The following BMPR1A variants were observed in gnomAD, a reference collection of about 807,000 sequenced individuals.
BMPR1A encodes the protein bone morphogenetic protein receptor type-1A.
A neutral mutation model predicts 66.0 loss-of-function variants in BMPR1A; 7 were observed. The observed-to-expected ratio is 0.11, with a 90% CI of 0.06 to 0.20. The LOEUF (loss-of-function observed/expected upper bound fraction) is 0.20. Ranked by LOEUF, BMPR1A falls within the 10% of genes least tolerant of loss-of-function variation. BMPR1A has a pLI of 1.00. For synonymous variants in BMPR1A, 200 were observed against 229.7 expected (o/e 0.87, Z 1.17); for missense variants, 408 against 669.1 (o/e 0.61, Z 4.31).
At chr10:86,870,401 C>G (rs1394536917) in intron 2 of BMPR1A, among the ~76,000 whole-genome samples, 2 of 152,178 alleles carry the variant, frequency 1.3e-5, no homozygotes, top group South Asian at 2.1e-4. Context: ...TACATTTAAT[C>G]CATTGCTAAG....
Position 86,810,799 on chromosome 10 carries a change from T to C in BMPR1A, c.-267-28066T>C, listed in dbSNP as rs533561037. 5.9e-5 allele frequency among the ~76,000 whole-genome samples: 9 copies of C among 152,374 alleles called. 1 individual carries two copies. In the South Asian group the frequency reaches 1.9e-3, roughly 32 times the overall value. On this transcript the variant is annotated intron_variant, in intron 1 of 12. Coordinates refer to ENST00000372037, the MANE Select transcript of BMPR1A (RefSeq NM_004329.3). ...TCAATGGTTCTTTATATATTCCAGA[T>C]ACAAGTCCTTATCAGTTACATGATT...
chr10:86,776,327 T>C (rs1490121200), intron 1 of BMPR1A, among the ~76,000 whole-genome samples: 7 of 152,246 alleles, frequency 4.6e-5, no homozygotes. Flanking sequence ...TGATTTGTTT[T>C]TATTACAAAG....
intron 1 of BMPR1A, among the ~76,000 whole-genome samples, chr10:86,819,151 CTTATTTA>C (rs1842082608): frequency 7.8e-6 from 1 of 127,476 alleles, no homozygotes; most frequent in Admixed American, 7.8e-5. Context: ...GAAATGGCTA[CTTATTTA>C]TTATTATTAT....
Position 86,906,495 on chromosome 10 carries a change from G to A in BMPR1A, c.531-5745G>A, listed in dbSNP as rs1323599796. On this transcript the variant is annotated intron_variant, in intron 7 of 12. Transcript: ENST00000372037. Reference sequence around the variant, plus strand: ...AGCACTTTGGGAGGCCGAGGCGGGCGGATCACGAGGCCAGGAGATCGAGAC... The same window carrying A: ...AGCACTTTGGGAGGCCGAGGCGGGCAGATCACGAGGCCAGGAGATCGAGAC... 2.0e-5 allele frequency among the ~76,000 whole-genome samples: 2 copies of A among 100,654 alleles called. 1 individual carries two copies. Among genetic ancestry groups the A allele is most frequent in the Non-Finnish European group, 3.6e-5 (2 of 56,322 alleles). 66.0% of individuals were successfully genotyped at this position (100,654 alleles called of 152,430 possible). A position where few individuals can be genotyped will look rare whatever the true frequency, so the allele number is the denominator to read the frequency against.
At chr10:86,852,120 T>TA (rs527829936) in intron 2 of BMPR1A, among the ~76,000 whole-genome samples, 25,499 of 142,774 alleles carry the variant, frequency 0.18, 2,398 homozygotes, top group African/African-American at 0.25. Context: ...TCACAACTGT[T>TA]AAAAAAAAAA....
chr10:86,816,022 C>T (rs919522301), intron 1 of BMPR1A, among the ~76,000 whole-genome samples: 1 of 152,150 alleles, frequency 6.6e-6, no homozygotes, highest in Non-Finnish European at 1.5e-5. Context: ...CTGGAAATGG[C>T]CCCTGCATAC....
chr10:86,923,789 G>C lies in BMPR1A; in HGVS notation c.*70G>C. ...TTTACCCATGGCATGGGTGGAATTA[G>C]AGTGGAATAAGGATGTTAACTTGGT... On this transcript the variant is annotated 3_prime_UTR_variant, in exon 13 of 13. Transcript: ENST00000372037. 1.3e-6 allele frequency: 2 copies of C among 1,580,036 alleles called. No homozygotes were observed. Among genetic ancestry groups the C allele is most frequent in the South Asian group, 1.1e-5 (1 of 89,860 alleles).
intron 1 of BMPR1A, among the ~76,000 whole-genome samples, chr10:86,781,785 T>G (rs1841440325): frequency 6.6e-6 from 1 of 152,150 alleles, no homozygotes; most frequent in Admixed American, 6.6e-5. Context: ...TACTTGTTGT[T>G]TTATGATTGG....
chr10:86,870,936 C>T (rs1589754895), intron 2 of BMPR1A, among the ~76,000 whole-genome samples: 1 of 152,188 alleles, frequency 6.6e-6, no homozygotes, highest in Non-Finnish European at 1.5e-5. Context: ...ATGATGCCCA[C>T]TTAGGCTTAA....
In BMPR1A at chr10:86,758,362, G is replaced by A. The variant is rs1469768219; in HGVS notation, c.-268+1443G>A. On this transcript the variant is annotated intron_variant, in intron 1 of 12. Transcript: ENST00000372037. Reference sequence around the variant, plus strand: ...GGCTTCTTAACCTTCCGTCAAAGAGGGAGAATTTTTTTTTTTTTTTTTGTC... The same window carrying A: ...GGCTTCTTAACCTTCCGTCAAAGAGAGAGAATTTTTTTTTTTTTTTTTGTC... Among the ~76,000 whole-genome samples the A allele has an allele frequency of 2.3e-5, 3 of 130,118 alleles. 1 individual carries two copies. In the Admixed American group the frequency reaches 2.3e-4, roughly 10 times the overall value. 85.4% of individuals were successfully genotyped at this position (130,118 alleles called of 152,430 possible). A position where few individuals can be genotyped will look rare whatever the true frequency, so the allele number is the denominator to read the frequency against.
At chr10:86,794,243 A>G (rs576298323) in intron 1 of BMPR1A, among the ~76,000 whole-genome samples, 13 of 148,906 alleles carry the variant, frequency 8.7e-5, no homozygotes, top group South Asian at 4.3e-4. Context: ...AATTTTATCT[A>G]TTTTTTTTTT....
intron 1 of BMPR1A, among the ~76,000 whole-genome samples, chr10:86,762,998 C>T (rs909597476): frequency 2.6e-5 from 4 of 152,058 alleles, no homozygotes; most frequent in African/African-American, 4.8e-5. Flanking sequence ...CCGGGTTAAG[C>T]GATTCTCATG....
At chr10:86,916,980 G>A (rs535180069) in intron 8 of BMPR1A, among the ~76,000 whole-genome samples, 154 bp from the exon 9 acceptor site, 7 of 151,548 alleles carry the variant, frequency 4.6e-5, no homozygotes, top group South Asian at 2.1e-4. Flanking sequence ...GTGACAGAGC[G>A]AGACTCCATC....
chr10:86,836,159 T>A (rs1180173804), intron 1 of BMPR1A, among the ~76,000 whole-genome samples: 1 of 152,256 alleles, frequency 6.6e-6, no homozygotes, highest in African/African-American at 2.4e-5. Flanking sequence ...AAGTTCATAG[T>A]GTTAAAAGCC....
intron 1 of BMPR1A, among the ~76,000 whole-genome samples, chr10:86,837,176 T>C (rs996406409): frequency 7.2e-5 from 11 of 152,096 alleles, no homozygotes; most frequent in African/African-American, 2.4e-4. Context: ...GTAAGTAGTT[T>C]ACATGTTAAT....
chr10:86,907,488 T>A (rs189173260), intron 7 of BMPR1A, among the ~76,000 whole-genome samples: 44 of 152,244 alleles, frequency 2.9e-4, no homozygotes, highest in African/African-American at 9.9e-4. Flanking sequence ...TTGGTATATA[T>A]CCAAAAGGAA....
At chr10:86,775,883 C>A (rs1208665140) in intron 1 of BMPR1A, among the ~76,000 whole-genome samples, 2 of 152,114 alleles carry the variant, frequency 1.3e-5, no homozygotes, top group African/African-American at 4.8e-5. Flanking sequence ...TTGTGCATTG[C>A]AGCTTGCCTT....
intron 1 of BMPR1A, among the ~76,000 whole-genome samples, chr10:86,781,656 T>C (rs982567237): frequency 1.6e-4 from 25 of 152,090 alleles, no homozygotes; most frequent in African/African-American, 4.8e-4. Flanking sequence ...CTCTGTACTT[T>C]AGAGCAACTC....
At position 86,903,687 on chromosome 10, in the gene BMPR1A, A is replaced by G. The variant is rs182352346; in HGVS notation, c.530+3561A>G. 7.7e-3 allele frequency among the ~76,000 whole-genome samples: 1,101 copies of G among 143,316 alleles called. 5 individuals are homozygous for G. Among genetic ancestry groups the G allele is most frequent in the African/African-American group, 0.019 (720 of 38,440 alleles). The allele number at this position is 143,316 out of a possible 152,430, so 94.0% of individuals were successfully genotyped here. A position where few individuals can be genotyped will look rare whatever the true frequency, so the allele number is the denominator to read the frequency against. On this transcript the variant is annotated intron_variant, in intron 7 of 12. Coordinates refer to ENST00000372037, the MANE Select transcript of BMPR1A (RefSeq NM_004329.3). ...AGTGCAGTGGCACGATCTCCGCTCA[A>G]TGCAAGCTCCACCTCCCGGGTTTAC...
Sources: allele counts gnomAD v4.1 joint callset (sites outside exome capture counted in the v4.1 genomes callset), GRCh38; gene constraint gnomAD v4.1.1; transcripts MANE v1.5; gene names NCBI Gene and HGNC (gene_info 2026-07-23, HGNC 2026-07-21).